LGSN: variants seen among roughly 807,000 people sequenced by gnomAD.
LGSN encodes the protein lengsin.
In LGSN, 21 loss-of-function variants were observed where a neutral mutation model predicts 19.5. The ratio of observed to expected loss-of-function variants is 1.07; its 90% CI spans 0.76 to 1.55. The LOEUF (loss-of-function observed/expected upper bound fraction) is 1.55. LGSN is among the 40% of genes most tolerant of loss of function. The pLI is 0.00. For synonymous variants in LGSN, 257 were observed against 215.6 expected (o/e 1.19, Z -1.68); for missense variants, 673 against 608.5 (o/e 1.11, Z -1.12).
the LGSN span, among the ~76,000 whole-genome samples, chr6:63,402,312 G>A: frequency 6.6e-6 from 1 of 152,264 alleles, no homozygotes; most frequent in Admixed American, 6.5e-5. Flanking sequence ...TTCATCCCAT[G>A]TTGCTTTCAC....
intron 3 of LGSN, among the ~76,000 whole-genome samples, chr6:63,285,291 A>C (rs1187867619): frequency 6.6e-6 from 1 of 152,142 alleles, no homozygotes; most frequent in African/African-American, 2.4e-5. Context: ...GCAGTAAGGG[A>C]GAAAAAATAA....
chr6:63,491,391 G>C, the LGSN span, among the ~76,000 whole-genome samples: 1 of 152,132 alleles, frequency 6.6e-6, no homozygotes, highest in Non-Finnish European at 1.5e-5. Flanking sequence ...TCCTGCGTAA[G>C]CTGGAAGACC....
At chr6:63,469,639 G>T in the LGSN span, among the ~76,000 whole-genome samples, 1 of 152,106 alleles carries the variant, frequency 6.6e-6, no homozygotes, top group Non-Finnish European at 1.5e-5. Flanking sequence ...AGTTAACTTA[G>T]GGCTCTGATT....
the LGSN span, among the ~76,000 whole-genome samples, chr6:63,356,090 T>C: frequency 1.8e-3 from 267 of 152,324 alleles, 3 homozygotes; most frequent in Admixed American, 7.0e-3. Context: ...ACACCGGTTA[T>C]ATTGCACTAG....
the LGSN span, among the ~76,000 whole-genome samples, chr6:63,528,737 T>C: frequency 2.0e-5 from 3 of 152,010 alleles, no homozygotes; most frequent in African/African-American, 7.2e-5. Flanking sequence ...TACTCCAGCC[T>C]GGGGGACAGA....
chr6:63,354,574 G>A, the LGSN span, among the ~76,000 whole-genome samples: 1 of 152,136 alleles, frequency 6.6e-6, no homozygotes, highest in African/African-American at 2.4e-5. Context: ...CACTATGGAA[G>A]CAGTATGGCG....
At chr6:63,535,131 G>A in the LGSN span, among the ~76,000 whole-genome samples, 5 of 152,168 alleles carry the variant, frequency 3.3e-5, no homozygotes, top group South Asian at 1.0e-3. Flanking sequence ...AATACATGGG[G>A]TGTGGTCCCT....
At chr6:63,367,405 C>T in the LGSN span, among the ~76,000 whole-genome samples, 5 of 152,064 alleles carry the variant, frequency 3.3e-5, no homozygotes, top group African/African-American at 9.7e-5. Flanking sequence ...CATCTCACAC[C>T]AGTTAGAATG....
the LGSN span, chr6:63,441,880 C>A: frequency 3.8e-6 from 1 of 265,920 alleles, no homozygotes; most frequent in South Asian, 4.1e-5. Flanking sequence ...AGCAGCTGCC[C>A]CTTTGTGTCC....
At chr6:63,412,507 A>AAAGC in the LGSN span, among the ~76,000 whole-genome samples, 1 of 115,192 alleles carries the variant, frequency 8.7e-6, no homozygotes, top group Non-Finnish European at 1.7e-5. Flanking sequence ...AGAAAGAAAG[A>AAAGC]AAGAAAGAAA....
chr6:63,419,338 T>A, the LGSN span, among the ~76,000 whole-genome samples: 7 of 152,296 alleles, frequency 4.6e-5, no homozygotes, highest in African/African-American at 1.7e-4. Flanking sequence ...ATGTGTTGAT[T>A]TTTTTAGGCA....
chr6:63,285,920 C>T (rs569840026), intron 2 of LGSN, among the ~76,000 whole-genome samples, 167 bp from the exon 3 acceptor site: 4 of 152,074 alleles, frequency 2.6e-5, no homozygotes, highest in African/African-American at 9.7e-5. Flanking sequence ...CTGCCTTTAC[C>T]GTCTTCCCAA....
At chr6:63,483,202 C>T in the LGSN span, among the ~76,000 whole-genome samples, 81,509 of 151,972 alleles carry the variant, frequency 0.54, 23,683 homozygotes, top group African/African-American at 0.77. Flanking sequence ...AAAGGCAACC[C>T]TTAGTTCAGC....
At chr6:63,404,790 A>C in the LGSN span, among the ~76,000 whole-genome samples, 2 of 151,564 alleles carry the variant, frequency 1.3e-5, no homozygotes, top group Non-Finnish European at 2.9e-5. Context: ...TACTAAAAAA[A>C]AGTATTTCTT....
At chr6:63,293,872 A>G (rs1170666326) in intron 2 of LGSN, 1 of 415,330 alleles carries the variant, frequency 2.4e-6, no homozygotes, top group Non-Finnish European at 4.8e-6. Context: ...GTAATAAGGA[A>G]AAATGTTAAA....
chr6:63,379,138 TA>T, the LGSN span, among the ~76,000 whole-genome samples: 2 of 152,094 alleles, frequency 1.3e-5, no homozygotes, highest in Admixed American at 1.3e-4. Context: ...ATCCCTCAAT[TA>T]AAAGCATGTG....
At chr6:63,450,620 G>A in the LGSN span, among the ~76,000 whole-genome samples, 19 of 150,342 alleles carry the variant, frequency 1.3e-4, no homozygotes, top group East Asian at 2.7e-3. Context: ...GAACATAAAG[G>A]TAAATAAAAA....
the LGSN span, among the ~76,000 whole-genome samples, chr6:63,438,484 C>A: frequency 2.0e-5 from 3 of 152,090 alleles, no homozygotes; most frequent in East Asian, 5.8e-4. Context: ...CCAGAATCTA[C>A]AATGAACTCA....
chr6:63,349,248 A>G, the LGSN span, among the ~76,000 whole-genome samples: 1 of 152,208 alleles, frequency 6.6e-6, no homozygotes, highest in Non-Finnish European at 1.5e-5. Flanking sequence ...GTGCTTTGGA[A>G]TGATTCATTA....
Sources: allele counts gnomAD v4.1 joint callset (sites outside exome capture counted in the v4.1 genomes callset), GRCh38; gene constraint gnomAD v4.1.1; transcripts MANE v1.5; gene names NCBI Gene and HGNC (gene_info 2026-07-23, HGNC 2026-07-21).